RBM39: variants seen among roughly 807,000 people sequenced by gnomAD.
RBM39 encodes RNA binding motif protein 39.
In RBM39, 12 loss-of-function variants were observed where a neutral mutation model predicts 79.6. That is an observed-to-expected ratio of 0.15 (90% CI 0.10 to 0.24). The LOEUF (loss-of-function observed/expected upper bound fraction) is 0.24. RBM39 is among the 10% of genes least tolerant of loss of function. RBM39 has a pLI of 1.00. For missense variants in RBM39, 243 were observed against 653.4 expected (o/e 0.37, Z 6.85); for synonymous variants, 185 against 208.4 (o/e 0.89, Z 0.97).
chr20:35,732,914 C>T (rs1360472635), intron 3 of RBM39: 2 of 152,166 alleles, frequency 1.3e-5, no homozygotes, highest in Non-Finnish European at 2.9e-5. Context: ...AATTTTGCCC[C>T]CATTTACATA....
chr20:35,727,815 A>G (rs2038921220), intron 6 of RBM39, among the ~76,000 whole-genome samples: 1 of 151,928 alleles, frequency 6.6e-6, no homozygotes, highest in Non-Finnish European at 1.5e-5. Context: ...ACGCCCAGCT[A>G]ATTTTTTGTA....
intron 3 of RBM39, 109 bp from the exon 4 acceptor site, chr20:35,732,244 T>A (rs952977147): frequency 9.7e-7 from 1 of 1,026,462 alleles, no homozygotes; most frequent in South Asian, 1.4e-5. Context: ...TTTCTTTGGC[T>A]AGTTTTACTA....
At chr20:35,725,869 G>A (rs1039958571) in intron 6 of RBM39, among the ~76,000 whole-genome samples, 3 of 151,372 alleles carry the variant, frequency 2.0e-5, no homozygotes, top group Admixed American at 1.3e-4. Context: ...TCACCATGTT[G>A]GCCAGGCTGG....
intron 9 of RBM39, among the ~76,000 whole-genome samples, chr20:35,717,858 A>G (rs1472068385): frequency 1.4e-5 from 2 of 145,576 alleles, no homozygotes; most frequent in African/African-American, 5.5e-5. Flanking sequence ...CAAACAAGAA[A>G]GGAACTTTTT....
At chr20:35,729,221 A>T (rs1455348293) in intron 6 of RBM39, 91 bp downstream of exon 6, 1 of 1,149,514 alleles carries the variant, frequency 8.7e-7, no homozygotes, top group Non-Finnish European at 1.2e-6. Flanking sequence ...AAGATTTAAT[A>T]TGGTCCAAAT....
chr20:35,709,089 C>A, intron 13 of RBM39, 135 bp downstream of exon 13: 1 of 657,138 alleles, frequency 1.5e-6, no homozygotes, highest in Non-Finnish European at 2.5e-6. Flanking sequence ...TATGAATATA[C>A]CACTATGTGT....
Position 35,701,963 on chromosome 20 carries a change from A to C in RBM39, c.*2518T>G, listed in dbSNP as rs2035305089. On this transcript the variant is annotated 3_prime_UTR_variant, in exon 17 of 17. Transcript: ENST00000253363. ...GCAAAACAGTTCATCCACTGTAAAA[A>C]AAAATAGAAACTTCTGTAGCTTCTC... is the stretch of plus-strand genomic sequence containing the variant. 6.6e-6 allele frequency: 1 copy of C among 152,088 alleles called. No homozygotes were observed. The highest frequency in any genetic ancestry group is 1.5e-5 in the Non-Finnish European group (1 of 68,018). The allele number at this position is 152,088 out of a possible 1,614,324, so 9.4% of individuals were successfully genotyped here.
At chr20:35,739,189 A>C (rs1459247261) in intron 2 of RBM39, 172 bp from the exon 3 acceptor site, 10 of 653,280 alleles carry the variant, frequency 1.5e-5, no homozygotes, top group Non-Finnish European at 2.2e-5. Flanking sequence ...GTGTTTAACC[A>C]CTTTGTTGCT....
At chr20:35,705,376 A>C (rs1202505736) in intron 14 of RBM39, 46 bp from the exon 15 acceptor site, 1 of 1,036,338 alleles carries the variant, frequency 9.6e-7, no homozygotes, top group Non-Finnish European at 1.4e-6. Context: ...GAAACTAACA[A>C]ACTATATATT....
Position 35,725,074 on chromosome 20 carries a change from T to C in RBM39, c.498A>G (p.Pro166=), listed in dbSNP as rs936207734. Residue 166 remains proline, a synonymous_variant, in exon 7 of 17, where the codon CCA becomes CCG. Transcript: ENST00000253363. Reference sequence around the variant, plus strand: ...TAGAGAAAAACTCTTCCAAATCCCTTGGTCGAATTCTTGCCGCCAGCTGCA... The same window carrying C: ...TAGAGAAAAACTCTTCCAAATCCCTCGGTCGAATTCTTGCCGCCAGCTGCA... ...FCMQLAARIR[P]RDLEEFFSTV... is the part of the protein sequence containing the mutation. 1.2e-6 allele frequency: 2 copies of C among 1,611,714 alleles called. No individual in the cohort carries two copies. Among genetic ancestry groups the C allele is most frequent in the Non-Finnish European group, 1.7e-6 (2 of 1,179,754 alleles).
In RBM39 at chr20:35,735,747, C is replaced by A. The variant is rs1356195362; in HGVS notation, c.101+3221G>T. Among the ~76,000 whole-genome samples the A allele has an allele frequency of 2.0e-5, 3 of 152,114 alleles. No individual in the cohort carries two copies. The East Asian group carries it at 5.8e-4, about 29-fold the overall frequency. On this transcript the variant is annotated intron_variant, in intron 3 of 16. Transcript: ENST00000253363. ...GAACAAGGGAATCATTTATTTATCA[C>A]CTATAATTGACGAGAAGTCTGACTG...
chr20:35,732,808 TAAAA>T (rs959709231), intron 3 of RBM39: 76 of 152,348 alleles, frequency 5.0e-4, no homozygotes, highest in African/African-American at 1.8e-3. Flanking sequence ...AATAAATTAA[TAAAA>T]CAAACTTACA....
Position 35,703,427 on chromosome 20 carries a change from C to T in RBM39, c.*1054G>A, listed in dbSNP as rs2035386397. 6.6e-6 allele frequency: 1 copy of T among 152,210 alleles called. No individual in the cohort carries two copies. Among genetic ancestry groups the T allele is most frequent in the Admixed American group, 6.5e-5 (1 of 15,282 alleles). 9.4% of individuals were successfully genotyped at this position (152,210 alleles called of 1,614,324 possible). ...AACCCCTCAGTTTTGATACATTCTT[C>T]TAAAATACACAGGGCTAGACTCTAA... On this transcript the variant is annotated 3_prime_UTR_variant, in exon 17 of 17. Coordinates refer to ENST00000253363, the MANE Select transcript of RBM39 (RefSeq NM_184234.3).
At chr20:35,714,949 T>C (rs565000175) in intron 10 of RBM39, among the ~76,000 whole-genome samples, 31 of 152,118 alleles carry the variant, frequency 2.0e-4, no homozygotes, top group Non-Finnish European at 3.5e-4. Context: ...CTAAAGTTAC[T>C]AGAATAAAAA....
chr20:35,705,176 A>G, intron 15 of RBM39, 49 bp downstream of exon 15: 1 of 1,093,456 alleles, frequency 9.1e-7, no homozygotes, highest in Non-Finnish European at 1.3e-6. Flanking sequence ...GCGAAGATTA[A>G]GGTAGAGACG....
intron 11 of RBM39, among the ~76,000 whole-genome samples, 172 bp downstream of exon 11, chr20:35,714,013 C>G (rs528450307): frequency 9.9e-5 from 15 of 152,262 alleles, no homozygotes; most frequent in African/African-American, 3.6e-4. Flanking sequence ...ATATAGATTT[C>G]CATACATTAA....
At chr20:35,719,550 G>C (rs1209109224) in intron 9 of RBM39, among the ~76,000 whole-genome samples, 1 of 151,896 alleles carries the variant, frequency 6.6e-6, no homozygotes, top group African/African-American at 2.4e-5. Flanking sequence ...TGTGGTCAGA[G>C]CCTGTAATCC....
intron 3 of RBM39, chr20:35,734,890 AC>A (rs1193190860): frequency 1.3e-6 from 2 of 1,546,252 alleles, no homozygotes; most frequent in Non-Finnish European, 8.7e-7. Context: ...AAATCCTGTT[AC>A]AACTTAAAAG....
chr20:35,738,223 G>A (rs1295944410), intron 3 of RBM39, among the ~76,000 whole-genome samples: 2 of 149,662 alleles, frequency 1.3e-5, no homozygotes, highest in Non-Finnish European at 1.5e-5. Context: ...AGCCCAGACT[G>A]CGCCACTGCG....
Sources: gnomAD v4.1 joint callset for allele counts (sites outside exome capture counted in the v4.1 genomes callset) on GRCh38, gnomAD v4.1.1 for gene constraint, MANE v1.5 for transcripts, NCBI Gene and HGNC (gene_info 2026-07-23, HGNC 2026-07-21) for gene names.